Variants in SEMA3D observed in about 807,000 individuals in gnomAD.
SEMA3D encodes semaphorin-3D.
In SEMA3D, 84 loss-of-function variants were observed where a neutral mutation model predicts 100.1. That is an observed-to-expected ratio of 0.84 (90% CI 0.70 to 1.01). The LOEUF (loss-of-function observed/expected upper bound fraction) is 1.01, where lower values mean the gene tolerates loss of function less well. Among genes scored for constraint, SEMA3D ranks in the 50% least tolerant of loss-of-function variants. SEMA3D has a pLI of 0.00. For synonymous variants in SEMA3D, 312 were observed against 320.7 expected (o/e 0.97, Z 0.29); for missense variants, 875 against 934.1 (o/e 0.94, Z 0.82).
At chr7:85,050,636 T>C (rs1002924938) in intron 9 of SEMA3D, 2 of 423,110 alleles carry the variant, frequency 4.7e-6, no homozygotes, top group Non-Finnish European at 8.5e-6. Context: ...TTCATTGATA[T>C]CTCTTGACCA....
chr7:85,038,170 A>C (rs1790756937), intron 11 of SEMA3D, among the ~76,000 whole-genome samples: 2 of 152,152 alleles, frequency 1.3e-5, no homozygotes, highest in Admixed American at 1.3e-4. Flanking sequence ...CACGTTGTGC[A>C]CATGTACCCT....
chr7:85,239,695 GT>G, the SEMA3D span, among the ~76,000 whole-genome samples: 1 of 152,092 alleles, frequency 6.6e-6, no homozygotes, highest in Non-Finnish European at 1.5e-5. Flanking sequence ...TTGGACTGAA[GT>G]TTTTTCACAA....
At chr7:85,007,990 TTAACCTCATC>T (rs1789846826) in intron 17 of SEMA3D, among the ~76,000 whole-genome samples, 1 of 151,842 alleles carries the variant, frequency 6.6e-6, no homozygotes, top group Non-Finnish European at 1.5e-5. Context: ...CCATTATGAA[TTAACCTCATC>T]TAACCTTCAA....
chr7:84,999,754 G>T lies in SEMA3D; in HGVS notation c.2020C>A (p.His674Asn). 1.9e-6 allele frequency: 3 copies of T among 1,613,984 alleles called. No individual in the cohort carries two copies. Among genetic ancestry groups the T allele is most frequent in the Non-Finnish European group, 2.5e-6 (3 of 1,179,996 alleles). ...YCKAQEHTFI[H>N]TIVKLTLNVI... ...TTCAAAGTCAGCTTCACTATGGTGT[G>T]GATGAAAGTGTGCTCCTGGGCTTTG... Residue 674 changes from histidine (H) to asparagine (N), a missense_variant, in exon 19 of 19, where the codon CAC (histidine) becomes AAC (asparagine). By Grantham distance (68) the His-to-Asn change is moderately conservative (BLOSUM62 1). Transcript: ENST00000284136.
chr7:85,110,962 T>C (rs1028957824), intron 3 of SEMA3D, among the ~76,000 whole-genome samples: 3 of 152,112 alleles, frequency 2.0e-5, no homozygotes, highest in Admixed American at 6.6e-5. Context: ...TTAAATTTAA[T>C]GTTACTTTTT....
At position 84,999,896 on chromosome 7, in the gene SEMA3D, T is replaced by G. The variant is rs750981145; in HGVS notation, c.1909-31A>C. 6 of 1,584,388 alleles carry G rather than the reference T, an allele frequency of 3.8e-6. No individual in the cohort carries two copies. In the Admixed American group the frequency reaches 5.1e-5, roughly 13 times the overall value. On this transcript the variant is annotated intron_variant, in intron 18 of 18. Transcript: ENST00000284136. ...GAATTGGAAAAATGTAGGTAATAAA[T>G]TAAACACAGAGAGAGCTAAGAGCAA...
At chr7:85,176,035 A>G (rs1326277091) in intron 1 of SEMA3D, among the ~76,000 whole-genome samples, 3 of 152,040 alleles carry the variant, frequency 2.0e-5, no homozygotes, top group Non-Finnish European at 4.4e-5. Context: ...TTAAGTATTC[A>G]CAAGCCATCA....
intron 9 of SEMA3D, among the ~76,000 whole-genome samples, chr7:85,044,720 A>G (rs1790958800): frequency 6.6e-6 from 1 of 152,104 alleles, no homozygotes; most frequent in Non-Finnish European, 1.5e-5. Context: ...ATACATATAC[A>G]TAATAGATAC....
At chr7:85,130,772 TA>T (rs1455602433) in intron 2 of SEMA3D, among the ~76,000 whole-genome samples, 1 of 152,144 alleles carries the variant, frequency 6.6e-6, no homozygotes, top group Admixed American at 6.6e-5. Flanking sequence ...TCATACAAGG[TA>T]AAAGAAGTTT....
Position 84,998,594 on chromosome 7 carries a change from T to TTCTG in SEMA3D, c.*842_*845dup, listed in dbSNP as rs1329095377. The stretch of plus-strand genomic sequence containing the variant: ...AGCCAGAATTTATGGCTGTCTTTCC[T>TTCTG]TCTGTCTTCTAACAAATCCCATCTG... On this transcript the variant is annotated 3_prime_UTR_variant, in exon 19 of 19. Transcript: ENST00000284136. The TTCTG allele has an allele frequency of 3.3e-5, 5 of 151,394 alleles. No individual in the cohort carries two copies. Among genetic ancestry groups the TTCTG allele is most frequent in the African/African-American group, 1.2e-4 (5 of 41,446 alleles). 9.4% of individuals were successfully genotyped at this position (151,394 alleles called of 1,614,324 possible). A position where few individuals can be genotyped will look rare whatever the true frequency, so the allele number is the denominator to read the frequency against.
chr7:85,177,180 G>A (rs1479710479), intron 1 of SEMA3D, among the ~76,000 whole-genome samples: 4 of 152,102 alleles, frequency 2.6e-5, no homozygotes, highest in African/African-American at 9.7e-5. Context: ...AGACATGGAT[G>A]TATCTGTGTA....
At position 85,148,550 on chromosome 7, in the gene SEMA3D, T is replaced by C. The variant is rs77524412; in HGVS notation, c.-41+5058A>G. ...ATGTTTATATAGTTAACTGGGTTACTGAAACACAAAAATGAGATAAAACGA... is the reference window on the plus strand; with the variant it reads ...ATGTTTATATAGTTAACTGGGTTACCGAAACACAAAAATGAGATAAAACGA... On this transcript the variant is annotated intron_variant, in intron 2 of 18. Coordinates refer to ENST00000284136, the MANE Select transcript of SEMA3D (RefSeq NM_001384900.1). Among the ~76,000 whole-genome samples the C allele has an allele frequency of 1.1e-3, 171 of 152,294 alleles. 4 individuals are homozygous for C. In the East Asian group the frequency reaches 0.031, roughly 28 times the overall value.
At chr7:85,070,408 C>A (rs754336870) in intron 6 of SEMA3D, among the ~76,000 whole-genome samples, 19 of 152,128 alleles carry the variant, frequency 1.2e-4, no homozygotes, top group Non-Finnish European at 2.2e-4. Flanking sequence ...TTCCCATTGC[C>A]CCAGCCACAC....
At chr7:85,065,152 T>C (rs574059198) in intron 8 of SEMA3D, among the ~76,000 whole-genome samples, 49 of 152,290 alleles carry the variant, frequency 3.2e-4, no homozygotes, top group Admixed American at 1.4e-3. Context: ...AATAAAATAA[T>C]GATATATCCC....
chr7:85,018,436 GC>G (rs1790165936), intron 14 of SEMA3D, 143 bp from the exon 15 acceptor site: 3 of 598,482 alleles, frequency 5.0e-6, no homozygotes, highest in Admixed American at 6.3e-5. Context: ...CTTATTGTTT[GC>G]TATTTTCTTC....
chr7:85,231,627 C>T, the SEMA3D span, among the ~76,000 whole-genome samples: 90 of 151,816 alleles, frequency 5.9e-4, no homozygotes, highest in Admixed American at 2.2e-3. Flanking sequence ...ATTTTTTGTA[C>T]TTTTAGTAGA....
At chr7:85,217,424 T>C in the SEMA3D span, among the ~76,000 whole-genome samples, 2 of 152,100 alleles carry the variant, frequency 1.3e-5, no homozygotes, top group African/African-American at 2.4e-5. Context: ...ACAGATCTTA[T>C]AGTTTAACAA....
the SEMA3D span, among the ~76,000 whole-genome samples, chr7:85,216,810 C>A: frequency 6.6e-6 from 1 of 151,632 alleles, no homozygotes; most frequent in African/African-American, 2.4e-5. Context: ...TGAATTTTTT[C>A]TCATTCTAAA....
the SEMA3D span, among the ~76,000 whole-genome samples, chr7:85,238,664 A>G: frequency 6.6e-6 from 1 of 152,096 alleles, no homozygotes; most frequent in Non-Finnish European, 1.5e-5. Flanking sequence ...TTCAATGTTA[A>G]TTTGGCCATT....
Sources: gnomAD v4.1 joint callset for allele counts (sites outside exome capture counted in the v4.1 genomes callset) on GRCh38, gnomAD v4.1.1 for gene constraint, MANE v1.5 for transcripts, NCBI Gene and HGNC (gene_info 2026-07-23, HGNC 2026-07-21) for gene names.